Variants in ERP44 observed in about 807,000 individuals in gnomAD.
The protein encoded by ERP44 is endoplasmic reticulum resident protein 44.
A neutral mutation model predicts 53.4 loss-of-function variants in ERP44; 25 were observed. That is an observed-to-expected ratio of 0.47 (90% CI 0.34 to 0.65). ERP44 has a LOEUF of 0.65. Ranked by LOEUF, ERP44 falls within the 30% of genes least tolerant of loss-of-function variation. The pLI is 0.01. For synonymous variants in ERP44, 145 were observed against 161.2 expected, an observed-to-expected ratio of 0.90 and a Z score of 0.76; for missense variants, 338 against 493.2, an observed-to-expected ratio of 0.69 and a Z score of 2.98.
chr9:100,030,248 G>T (rs1825767128), intron 4 of ERP44, among the ~76,000 whole-genome samples: 1 of 152,108 alleles, frequency 6.6e-6, no homozygotes, highest in African/African-American at 2.4e-5. Context: ...TGAGATCCAA[G>T]AATCTTCTCT....
Position 100,081,523 on chromosome 9 carries a change from T to TA in ERP44, c.57+17260dup, listed in dbSNP as rs565163693. Among the ~76,000 whole-genome samples the TA allele has an allele frequency of 6.8e-3, 1,004 of 147,652 alleles. 9 individuals carry two copies. Among genetic ancestry groups the TA allele is most frequent in the African/African-American group, 0.016 (648 of 40,376 alleles). ...TCTCTCATTTCAATGACAGATCAAG[T>TA]AAAAAAAAAACCATAAATATTAATA... On this transcript the variant is annotated intron_variant, in intron 1 of 11. Coordinates refer to ENST00000262455, the MANE Select transcript of ERP44 (RefSeq NM_015051.3).
chr9:100,020,000 A>G (rs1261406749), intron 6 of ERP44, among the ~76,000 whole-genome samples: 1 of 152,234 alleles, frequency 6.6e-6, no homozygotes, highest in African/African-American at 2.4e-5. Context: ...AGGTGAAATT[A>G]TAGCTTAAGA....
At chr9:100,090,214 A>G (rs1041312555) in intron 1 of ERP44, among the ~76,000 whole-genome samples, 4 of 152,200 alleles carry the variant, frequency 2.6e-5, no homozygotes, top group African/African-American at 9.7e-5. Flanking sequence ...TCAGAGGTAA[A>G]ATCATTACAG....
intron 4 of ERP44, among the ~76,000 whole-genome samples, chr9:100,031,947 G>C (rs1397009088): frequency 6.6e-6 from 1 of 152,152 alleles, no homozygotes; most frequent in Admixed American, 6.6e-5. Flanking sequence ...AATTATGAGA[G>C]AACTACTTAA....
intron 5 of ERP44, 34 bp from the exon 6 acceptor site, chr9:100,020,765 A>G: frequency 9.1e-7 from 1 of 1,095,458 alleles, no homozygotes; most frequent in Non-Finnish European, 1.4e-6. Context: ...TTTTGCAAAC[A>G]TACATAGTTT....
intron 10 of ERP44, chr9:99,999,049 G>T: frequency 1.3e-6 from 1 of 791,068 alleles, no homozygotes; most frequent in South Asian, 1.4e-5. Flanking sequence ...GAGGCCCGGG[G>T]CAGGAGGCGG....
In ERP44 at chr9:100,043,208, G is replaced by A. The variant is rs186073468; in HGVS notation, c.286+9209C>T. ...TAGGAGGTGGAGCTTGCAGTGAGCCGAGATAGCGCCACTGCACTCCAGCCT... is the reference window on the plus strand; with the variant it reads ...TAGGAGGTGGAGCTTGCAGTGAGCCAAGATAGCGCCACTGCACTCCAGCCT... On this transcript the variant is annotated intron_variant, in intron 4 of 11. Coordinates refer to ENST00000262455, the MANE Select transcript of ERP44 (RefSeq NM_015051.3). Among the ~76,000 whole-genome samples, 31 of 121,168 alleles carry A rather than the reference G, an allele frequency of 2.6e-4. No homozygotes were observed. In the East Asian group the frequency reaches 3.1e-3, roughly 12 times the overall value. 79.5% of individuals were successfully genotyped at this position (121,168 alleles called of 152,430 possible). A position where few individuals can be genotyped will look rare whatever the true frequency, so the allele number is the denominator to read the frequency against.
At chr9:100,098,746 C>A (rs1032863732) in intron 1 of ERP44, 38 bp downstream of exon 1, 2 of 1,575,890 alleles carry the variant, frequency 1.3e-6, no homozygotes, top group South Asian at 1.1e-5. Flanking sequence ...GGAGGCCGTT[C>A]GTGCGTTTGT....
chr9:99,985,173 A>G (rs1830183263), intron 10 of ERP44, 104 bp from the exon 11 acceptor site: 1 of 688,252 alleles, frequency 1.5e-6, no homozygotes, highest in Non-Finnish European at 2.5e-6. Context: ...TAGTCCCACC[A>G]TCCTACCACA....
chr9:99,989,224 GCCT>G (rs1369301675), intron 10 of ERP44, among the ~76,000 whole-genome samples: 4 of 152,214 alleles, frequency 2.6e-5, no homozygotes, highest in African/African-American at 4.8e-5. Context: ...CAGGCAGACT[GCCT>G]CCTCAAGTGG....
chr9:100,023,492 G>A (rs555122164), intron 4 of ERP44, among the ~76,000 whole-genome samples: 2 of 149,272 alleles, frequency 1.3e-5, no homozygotes, highest in Admixed American at 1.3e-4. Flanking sequence ...ACAGTGGCAC[G>A]ATCACAGCTC....
Position 100,000,453 on chromosome 9 carries a change from AAC to A in ERP44, c.1016+6051_1016+6052del, listed in dbSNP as rs1554706311. Among the ~76,000 whole-genome samples, 9 of 151,420 alleles carry A rather than the reference AAC, an allele frequency of 5.9e-5. No individual in the cohort carries two copies. In the East Asian group the frequency reaches 1.4e-3, roughly 23 times the overall value. Reference sequence around the variant, plus strand: ...CCTGTATCAAAAAAAAAAAAAAAAAAACTTTCTCCCTTCTTCAATTTTTTGGT... The same window carrying A: ...CCTGTATCAAAAAAAAAAAAAAAAAATTTCTCCCTTCTTCAATTTTTTGGT... On this transcript the variant is annotated intron_variant, in intron 10 of 11. Transcript: ENST00000262455.
At chr9:100,009,455 T>C (rs1830450702) in intron 8 of ERP44, among the ~76,000 whole-genome samples, 1 of 152,104 alleles carries the variant, frequency 6.6e-6, no homozygotes, top group African/African-American at 2.4e-5. Context: ...ACATACCCAT[T>C]AGTAGTGATT....
chr9:99,995,125 TA>T (rs926840634), intron 10 of ERP44, among the ~76,000 whole-genome samples: 200 of 148,088 alleles, frequency 1.4e-3, no homozygotes, highest in African/African-American at 3.4e-3. Context: ...AAATGGAACT[TA>T]AAAAAAAAAA....
chr9:100,084,269 C>T (rs7021394), intron 1 of ERP44, among the ~76,000 whole-genome samples: 5 of 152,190 alleles, frequency 3.3e-5, no homozygotes, highest in Admixed American at 2.6e-4. Context: ...TAAAAGTTTT[C>T]ACAGATGCAA....
chr9:100,072,207 A>G (rs1190752141), intron 1 of ERP44, among the ~76,000 whole-genome samples: 1 of 152,188 alleles, frequency 6.6e-6, no homozygotes, highest in Non-Finnish European at 1.5e-5. Context: ...GTTGATCTTC[A>G]TTACTACCAC....
intron 11 of ERP44, among the ~76,000 whole-genome samples, 195 bp downstream of exon 11, chr9:99,984,772 A>G (rs910152516): frequency 1.3e-5 from 2 of 152,258 alleles, no homozygotes; most frequent in South Asian, 2.1e-4. Flanking sequence ...AAACTACGTT[A>G]TAATATTCTT....
chr9:100,012,178 C>T (rs1479659939), intron 8 of ERP44, among the ~76,000 whole-genome samples: 1 of 152,110 alleles, frequency 6.6e-6, no homozygotes, highest in Non-Finnish European at 1.5e-5. Context: ...AGAATTTTCA[C>T]TCAAAAGTCT....
intron 2 of ERP44, among the ~76,000 whole-genome samples, chr9:100,059,687 C>A (rs777101564): frequency 6.6e-6 from 1 of 152,030 alleles, no homozygotes; most frequent in East Asian, 1.9e-4. Context: ...CAAAGCAAGA[C>A]CCTTTCTCTA....
Sources: allele counts gnomAD v4.1 joint callset (sites outside exome capture counted in the v4.1 genomes callset), GRCh38; gene constraint gnomAD v4.1.1; transcripts MANE v1.5; gene names NCBI Gene and HGNC (gene_info 2026-07-23, HGNC 2026-07-21).